Variants in STK33 observed in about 807,000 individuals in gnomAD.
STK33 encodes the protein serine/threonine-protein kinase 33.
A neutral mutation model predicts 58.0 loss-of-function variants in STK33; 52 were observed. The observed-to-expected ratio is 0.90, with a 90% CI of 0.72 to 1.13. STK33 has a LOEUF of 1.13. Among genes scored for constraint, STK33 ranks in the 50% most tolerant of loss-of-function variants. STK33 has a pLI of 0.00. For missense variants in STK33, 630 were observed against 604.2 expected (o/e 1.04, Z -0.45); for synonymous variants, 215 against 200.1 (o/e 1.07, Z -0.63).
intron 1 of STK33, among the ~76,000 whole-genome samples, chr11:8,585,222 A>ATTTTTTTT: frequency 1.1e-5 from 1 of 89,338 alleles, no homozygotes; most frequent in Non-Finnish European, 2.0e-5. Flanking sequence ...TGCACCCAGC[A>ATTTTTTTT]TTTTTTTTTT....
chr11:8,368,883 T>C, the STK33 span, among the ~76,000 whole-genome samples: 2 of 152,276 alleles, frequency 1.3e-5, no homozygotes, highest in East Asian at 1.9e-4. Flanking sequence ...AATCCACATC[T>C]GGGAATTTAT....
At chr11:8,356,705 C>A in the STK33 span, among the ~76,000 whole-genome samples, 2 of 152,182 alleles carry the variant, frequency 1.3e-5, no homozygotes, top group Non-Finnish European at 2.9e-5. Context: ...CCAATTCCGG[C>A]TGGGGCATCT....
chr11:8,446,766 T>G (rs943482895), intron 11 of STK33, among the ~76,000 whole-genome samples: 3 of 152,206 alleles, frequency 2.0e-5, no homozygotes, highest in African/African-American at 7.2e-5. Flanking sequence ...GCTAGCCATA[T>G]GCAGAAAACT....
intron 9 of STK33, among the ~76,000 whole-genome samples, chr11:8,455,472 T>C (rs948859988): frequency 3.3e-5 from 5 of 152,082 alleles, no homozygotes; most frequent in African/African-American, 1.2e-4. Context: ...TTGCAAATAA[T>C]TAATTCAGTT....
At chr11:8,542,860 C>A (rs1955628672) in intron 1 of STK33, among the ~76,000 whole-genome samples, 1 of 152,066 alleles carries the variant, frequency 6.6e-6, no homozygotes, top group Admixed American at 6.5e-5. Context: ...CAGGTACACA[C>A]CACCACACCC....
Position 8,474,957 on chromosome 11 carries a change from G to A in STK33, c.-52C>T. On this transcript the variant is annotated 5_prime_UTR_variant, in exon 5 of 16. Coordinates refer to ENST00000687296, the MANE Select transcript of STK33 (RefSeq NM_001352389.2). ...TTTAAAAATGTTTCCACTGTTTGAG[G>A]AAGAAAACCAGGCCAAAAAGGATAA... 1.3e-6 allele frequency: 2 copies of A among 1,508,718 alleles called. No individual in the cohort carries two copies. The highest frequency in any genetic ancestry group is 2.3e-5 in the East Asian group (1 of 43,674). The allele number at this position is 1,508,718 out of a possible 1,614,324, so 93.5% of individuals were successfully genotyped here. A position where few individuals can be genotyped will look rare whatever the true frequency, so the allele number is the denominator to read the frequency against.
the STK33 span, among the ~76,000 whole-genome samples, chr11:8,382,083 T>C: frequency 6.6e-6 from 1 of 152,050 alleles, no homozygotes; most frequent in South Asian, 2.1e-4. Flanking sequence ...ATCCTACGGC[T>C]TATGTACCAG....
At chr11:8,491,462 G>A (rs1482727034) in intron 1 of STK33, among the ~76,000 whole-genome samples, 1 of 152,180 alleles carries the variant, frequency 6.6e-6, no homozygotes, top group Non-Finnish European at 1.5e-5. Context: ...CCAAATCTAC[G>A]TTTGATTGGT....
chr11:8,560,246 T>C (rs1186575166), intron 1 of STK33, among the ~76,000 whole-genome samples: 3 of 152,156 alleles, frequency 2.0e-5, no homozygotes, highest in Non-Finnish European at 4.4e-5. Context: ...AGAGTGCATT[T>C]TACCACATTC....
In STK33 at chr11:8,475,070, C is replaced by G; in HGVS notation, c.-161-4G>C. ...GACACATATTCACACGTGAGAGCTGCAGAAAGAAAAGAAATAACCATTTAG... is the reference window on the plus strand; with the variant it reads ...GACACATATTCACACGTGAGAGCTGGAGAAAGAAAAGAAATAACCATTTAG... On this transcript the variant is annotated splice_polypyrimidine_tract_variant and splice_region_variant and intron_variant, in intron 4 of 15. Coordinates refer to ENST00000687296, the MANE Select transcript of STK33 (RefSeq NM_001352389.2). The G allele has an allele frequency of 2.0e-6, 1 of 497,008 alleles. No individual in the cohort carries two copies. Among genetic ancestry groups the G allele is most frequent in the Non-Finnish European group, 3.4e-6 (1 of 290,480 alleles). The allele number at this position is 497,008 out of a possible 1,614,324, so 30.8% of individuals were successfully genotyped here.
At chr11:8,340,992 G>A in the STK33 span, among the ~76,000 whole-genome samples, 1 of 152,194 alleles carries the variant, frequency 6.6e-6, no homozygotes, top group Non-Finnish European at 1.5e-5. Flanking sequence ...CCCAATAGCT[G>A]GGACTACAGG....
intron 1 of STK33, among the ~76,000 whole-genome samples, chr11:8,540,195 T>C (rs1279390615): frequency 6.6e-6 from 1 of 152,072 alleles, no homozygotes; most frequent in African/African-American, 2.4e-5. Flanking sequence ...ATAAAGAAAC[T>C]GTTGGCCAGG....
At chr11:8,443,281 A>G (rs1340309639) in intron 11 of STK33, among the ~76,000 whole-genome samples, 1 of 152,204 alleles carries the variant, frequency 6.6e-6, no homozygotes. Flanking sequence ...AGAAATTTTT[A>G]TGCTCAACAA....
chr11:8,400,685 T>C (rs2135272481), intron 15 of STK33, among the ~76,000 whole-genome samples: 1 of 152,376 alleles, frequency 6.6e-6, no homozygotes, highest in South Asian at 2.1e-4. Flanking sequence ...AAATTGTCCC[T>C]GTTTGCAGAT....
downstream of STK33, among the ~76,000 whole-genome samples, chr11:8,391,603 T>C (rs142867469): frequency 6.6e-5 from 10 of 152,322 alleles, no homozygotes; most frequent in African/African-American, 2.2e-4. Flanking sequence ...GTAAAAGCAA[T>C]TGCAAATTCT....
At chr11:8,360,764 C>T in the STK33 span, among the ~76,000 whole-genome samples, 2 of 152,234 alleles carry the variant, frequency 1.3e-5, no homozygotes, top group Non-Finnish European at 2.9e-5. Context: ...CATTCCTTGT[C>T]ATGTGTTCCC....
At chr11:8,346,466 A>T in the STK33 span, among the ~76,000 whole-genome samples, 1 of 152,214 alleles carries the variant, frequency 6.6e-6, no homozygotes, top group Non-Finnish European at 1.5e-5. Flanking sequence ...TGAGGGTGGT[A>T]AGAGGAACAG....
intron 1 of STK33, among the ~76,000 whole-genome samples, chr11:8,514,715 C>T (rs998475105): frequency 6.6e-6 from 1 of 152,158 alleles, no homozygotes; most frequent in African/African-American, 2.4e-5. Context: ...AAACATAATC[C>T]TTCTCTGAAT....
At chr11:8,478,258 A>C (rs1347907955) in intron 2 of STK33, among the ~76,000 whole-genome samples, 4 of 152,170 alleles carry the variant, frequency 2.6e-5, no homozygotes, top group Non-Finnish European at 4.4e-5. Flanking sequence ...CTCTTTTTCT[A>C]TAGAATCATG....
Sources: allele counts gnomAD v4.1 joint callset (sites outside exome capture counted in the v4.1 genomes callset), GRCh38; gene constraint gnomAD v4.1.1; transcripts MANE v1.5; gene names NCBI Gene and HGNC (gene_info 2026-07-23, HGNC 2026-07-21).